ESRRG: variants seen among roughly 807,000 people sequenced by gnomAD.
ESRRG encodes the protein estrogen related receptor gamma, also known as estrogen-related receptor gamma.
ESRRG carries 13 observed loss-of-function variants against 44.0 expected under a neutral mutation model. That is an observed-to-expected ratio of 0.30 (90% CI 0.19 to 0.47). The LOEUF (loss-of-function observed/expected upper bound fraction) is 0.47, where lower values mean the gene tolerates loss of function less well. Ranked by LOEUF, ESRRG falls within the 20% of genes least tolerant of loss-of-function variation. The pLI, the probability that ESRRG is intolerant of heterozygous loss-of-function variation, is 1.00. For synonymous variants in ESRRG, 215 were observed against 214.6 expected (o/e 1.00, Z -0.02); for missense variants, 395 against 580.6 (o/e 0.68, Z 3.29).
chr1:216,616,383 A>G (rs1339112429), intron 3 of ESRRG, among the ~76,000 whole-genome samples: 2 of 152,202 alleles, frequency 1.3e-5, no homozygotes, highest in African/African-American at 2.4e-5. Context: ...CCTCTTCACA[A>G]TTATCTTTCT....
intron 1 of ESRRG, among the ~76,000 whole-genome samples, chr1:216,694,892 C>G (rs2079821914): frequency 6.6e-6 from 1 of 152,108 alleles, no homozygotes; most frequent in Non-Finnish European, 1.5e-5. Flanking sequence ...TGTTTTGGCT[C>G]CAGCATTTTC....
chr1:216,886,817 G>C (rs550166834), intron 2 of ESRRG, among the ~76,000 whole-genome samples: 12 of 152,198 alleles, frequency 7.9e-5, no homozygotes, highest in Non-Finnish European at 1.6e-4. Flanking sequence ...TTGGCCTCCT[G>C]GGCTCAGGTG....
intron 2 of ESRRG, among the ~76,000 whole-genome samples, chr1:216,876,562 A>T (rs1030852): frequency 0.17 from 20,989 of 124,806 alleles, 1,614 homozygotes; most frequent in African/African-American, 0.26. Flanking sequence ...TCTACTTTTT[A>T]TTTGTTTTTT....
chr1:217,035,032 T>C (rs974474335), intron 1 of ESRRG, among the ~76,000 whole-genome samples: 3 of 152,234 alleles, frequency 2.0e-5, no homozygotes, highest in South Asian at 2.1e-4. Flanking sequence ...GAGAACAAGA[T>C]AGAGCAGGCT....
At chr1:217,054,031 A>G (rs1036846916) in intron 1 of ESRRG, among the ~76,000 whole-genome samples, 1 of 97,198 alleles carries the variant, frequency 1.0e-5, no homozygotes, top group Non-Finnish European at 2.4e-5. Flanking sequence ...TTGAGCTCTG[A>G]AAAAAAAAAA....
At chr1:216,745,064 C>T (rs1391662156) in intron 2 of ESRRG, among the ~76,000 whole-genome samples, 2 of 152,226 alleles carry the variant, frequency 1.3e-5, no homozygotes, top group East Asian at 3.9e-4. Flanking sequence ...AATGGGATGT[C>T]GGTTAGAGGT....
At chr1:216,603,840 T>C (rs12145069) in intron 3 of ESRRG, among the ~76,000 whole-genome samples, 94,819 of 151,268 alleles carry the variant, frequency 0.63, 29,817 homozygotes, top group African/African-American at 0.65. Context: ...AGATGAGACA[T>C]GAGAATCACT....
chr1:216,983,230 G>A (rs1261558115), intron 1 of ESRRG, among the ~76,000 whole-genome samples: 1 of 150,920 alleles, frequency 6.6e-6, no homozygotes, highest in Admixed American at 6.6e-5. Context: ...CAGTGGTATT[G>A]ATTTTTTTAT....
intron 1 of ESRRG, among the ~76,000 whole-genome samples, chr1:217,078,596 ACT>A (rs796628712): frequency 2.6e-5 from 4 of 152,188 alleles, no homozygotes; most frequent in African/African-American, 9.6e-5. Context: ...GAAACCACAC[ACT>A]GTTACTGGCT....
At chr1:216,617,393 C>T (rs764092912) in intron 3 of ESRRG, among the ~76,000 whole-genome samples, 1 of 151,870 alleles carries the variant, frequency 6.6e-6, no homozygotes, top group Non-Finnish European at 1.5e-5. Flanking sequence ...TGCCTAATGT[C>T]TACATAAATA....
intron 1 of ESRRG, among the ~76,000 whole-genome samples, chr1:217,055,098 T>C (rs538764349): frequency 6.6e-6 from 1 of 152,330 alleles, no homozygotes; most frequent in Admixed American, 6.5e-5. Context: ...AGTTAGGGGC[T>C]AGAACAAACT....
rs2061111348 is a variant in ESRRG at position 216,573,128 on chromosome 1, C to T, written c.590-5030G>A. On this transcript the variant is annotated intron_variant, in intron 3 of 6. Coordinates refer to ENST00000408911, the MANE Select transcript of ESRRG (RefSeq NM_001438.4). ...AAATGAAGGATAACTAATAATCAAT[C>T]ATTAAATCCCTATGAGCTTGGGCCA... Among the ~76,000 whole-genome samples the T allele has an allele frequency of 2.0e-5, 3 of 152,032 alleles. No individual in the cohort carries two copies. In the South Asian group the frequency reaches 6.2e-4, roughly 32 times the overall value.
chr1:217,115,636 C>T (rs2092715451), intron 1 of ESRRG, among the ~76,000 whole-genome samples: 2 of 152,148 alleles, frequency 1.3e-5, no homozygotes, highest in Non-Finnish European at 2.9e-5. Flanking sequence ...GTAAGGTTAG[C>T]TTCCTCATTT....
intron 2 of ESRRG, among the ~76,000 whole-genome samples, chr1:216,885,391 G>A (rs751555721): frequency 3.1e-4 from 47 of 152,230 alleles, no homozygotes; most frequent in Non-Finnish European, 5.9e-4. Flanking sequence ...GGCTTCTAAA[G>A]ATGTCTGGGG....
chr1:216,547,412 A>G (rs1463075242), intron 5 of ESRRG, among the ~76,000 whole-genome samples: 1 of 152,046 alleles, frequency 6.6e-6, no homozygotes, highest in African/African-American at 2.4e-5. Context: ...AATTTTTTCC[A>G]TCACTGCTAA....
In ESRRG at chr1:216,895,290, T is replaced by G. The variant is rs148932246; in HGVS notation, c.-14+44292A>C. On this transcript the variant is annotated intron_variant, in intron 2 of 7. Coordinates refer to the ESRRG transcript ENST00000359162. ...AAAATTTTTGCTTGTTTCTTACTTT[T>G]AAAAATATGACTGTCATCCATCTAA... 4.9e-4 allele frequency among the ~76,000 whole-genome samples: 75 copies of G among 152,284 alleles called. 1 individual carries two copies. Among genetic ancestry groups the G allele is most frequent in the African/African-American group, 1.7e-3 (71 of 41,566 alleles).
At chr1:216,578,999 T>C (rs1264368411) in intron 3 of ESRRG, among the ~76,000 whole-genome samples, 1 of 152,174 alleles carries the variant, frequency 6.6e-6, no homozygotes, top group African/African-American at 2.4e-5. Context: ...TATGTGTATA[T>C]ATAAATGATG....
chr1:216,783,260 A>G (rs1352219815), intron 2 of ESRRG, among the ~76,000 whole-genome samples: 1 of 152,032 alleles, frequency 6.6e-6, no homozygotes, highest in Non-Finnish European at 1.5e-5. Flanking sequence ...ATTTACCAGG[A>G]GGGACCCTCC....
intron 1 of ESRRG, among the ~76,000 whole-genome samples, chr1:217,036,206 G>A (rs1453386053): frequency 1.3e-5 from 2 of 152,198 alleles, no homozygotes; most frequent in Non-Finnish European, 2.9e-5. Context: ...CTTATACACT[G>A]TTGGTAAGAG....
Sources: gnomAD v4.1 joint callset for allele counts (sites outside exome capture counted in the v4.1 genomes callset) on GRCh38, gnomAD v4.1.1 for gene constraint, MANE v1.5 for transcripts, NCBI Gene and HGNC (gene_info 2026-07-23, HGNC 2026-07-21) for gene names.